Variants in POTEC observed in about 807,000 individuals in gnomAD.
POTEC encodes the protein ANKRD26-like family B member 2.
POTEC carries 35 observed loss-of-function variants against 62.0 expected under a neutral mutation model. The ratio of observed to expected loss-of-function variants is 0.56; its 90% CI spans 0.43 to 0.75. The LOEUF (loss-of-function observed/expected upper bound fraction) is 0.75. POTEC is among the 30% of genes least tolerant of loss of function. The pLI is 0.00. For synonymous variants in POTEC, 156 were observed against 221.5 expected (o/e 0.70, Z 2.62); for missense variants, 472 against 655.9 (o/e 0.72, Z 3.06).
chr18:14,515,059 A>G (rs1301698360), intron 9 of POTEC, among the ~76,000 whole-genome samples: 16 of 152,194 alleles, frequency 1.1e-4, no homozygotes, highest in Non-Finnish European at 2.9e-5. Flanking sequence ...CACAGATGAT[A>G]CAAATAAATG....
intron 9 of POTEC, among the ~76,000 whole-genome samples, chr18:14,517,985 TA>T (rs972377116): frequency 6.6e-6 from 1 of 151,978 alleles, no homozygotes; most frequent in Non-Finnish European, 1.5e-5. Context: ...TCTCTCTAAA[TA>T]AAAAAATTAA....
chr18:14,534,955 A>C lies in POTEC; in HGVS notation c.863T>G (p.Val288Gly). Residue 288 changes from valine (V) to glycine (G), a missense_variant, in exon 4 of 11, where the codon GTG becomes GGG. Physicochemically the swap from Val to Gly is moderately radical, Grantham distance 109 (BLOSUM62 -3). Around this residue, in one of 5 missense-constraint regions of POTEC, gnomAD observed 83 missense variants for 254.3 expected, o/e 0.33. Coordinates refer to ENST00000358970, the MANE Select transcript of POTEC (RefSeq NM_001137671.2). ...AGCTTTTTTCTTGATTAAAAATTTC[A>C]CCACTTGCTGTTTTTGTTCATGTAC... is the stretch of plus-strand genomic sequence containing the variant. ...LGVHEQKQQV[V>G]KFLIKKKANL... The C allele has an allele frequency of 6.3e-7, 1 of 1,592,482 alleles. No individual in the cohort carries two copies. Among genetic ancestry groups the C allele is most frequent in the South Asian group, 1.1e-5 (1 of 88,846 alleles).
chr18:14,512,020 T>C, intron 10 of POTEC, 27 bp from the exon 11 acceptor site: 1 of 1,500,252 alleles, frequency 6.7e-7, no homozygotes, highest in Non-Finnish European at 9.2e-7. Context: ...AACTTTTAGT[T>C]AGCACTCAAT....
intron 9 of POTEC, among the ~76,000 whole-genome samples, chr18:14,521,956 T>C (rs563264569): frequency 2.0e-5 from 3 of 152,278 alleles, no homozygotes; most frequent in Admixed American, 1.3e-4. Context: ...ACCTCCATGA[T>C]ACAGTTTACC....
chr18:14,542,639 C>T lies in POTEC; in HGVS notation c.508G>A (p.Asp170Asn), dbSNP rs545661889. The part of the protein sequence containing the change: ...MLRDTDMNKR[D>N]KQKRTALHLA... ...AGGCCCAGTTACCTCTTTTGCTTGT[C>T]CCTCTTGTTCATGTCCGTGTCCCTG... The change falls in exon 1 of 11, where the codon GAC becomes AAC. Residue 170 changes from aspartate (D) to asparagine (N), a missense_variant. Coordinates refer to ENST00000358970, the MANE Select transcript of POTEC (RefSeq NM_001137671.2). 1.2e-6 allele frequency: 2 copies of T among 1,612,554 alleles called. No individual in the cohort carries two copies. The highest frequency in any genetic ancestry group is 1.7e-6 in the Non-Finnish European group (2 of 1,179,954).
Position 14,537,226 on chromosome 18 carries a change from CA to C in POTEC, c.810+574del, listed in dbSNP as rs1284721601. On this transcript the variant is annotated intron_variant, in intron 3 of 10. Coordinates refer to ENST00000358970, the MANE Select transcript of POTEC (RefSeq NM_001137671.2). Reference sequence around the variant, plus strand: ...ACACACACACAAAAAAAAAAAAAAACAAAAAAAAACCTCTTCATGGTCTTTT... The same window carrying C: ...ACACACACACAAAAAAAAAAAAAAACAAAAAAAACCTCTTCATGGTCTTTT... Among the ~76,000 whole-genome samples, 341 of 79,292 alleles carry C rather than the reference CA, an allele frequency of 4.3e-3. 4 individuals are homozygous for C. Among genetic ancestry groups the C allele is most frequent in the African/African-American group, 0.014 (317 of 21,996 alleles). The allele number at this position is 79,292 out of a possible 152,430, so 52.0% of individuals were successfully genotyped here. A position where few individuals can be genotyped will look rare whatever the true frequency, so the allele number is the denominator to read the frequency against.
At position 14,542,794 on chromosome 18, in the gene POTEC, C is replaced by T. The variant is rs565550823; in HGVS notation, c.353G>A (p.Gly118Asp). The change falls in exon 1 of 11, where the codon GGC becomes GAC. Residue 118 changes from glycine (G) to aspartate (D), a missense_variant. Coordinates refer to ENST00000358970, the MANE Select transcript of POTEC (RefSeq NM_001137671.2). ...CCRGSGKSNV[G>D]AWGDYDDSAF... ...GCTGTCGTCGTAGTCTCCCCAAGCGCCCACGTTGCTCTTGCCGCTCCCCCT... is the reference window on the plus strand; with the variant it reads ...GCTGTCGTCGTAGTCTCCCCAAGCGTCCACGTTGCTCTTGCCGCTCCCCCT... 3 of 1,613,758 alleles carry T rather than the reference C, an allele frequency of 1.9e-6. No homozygotes were observed. The highest frequency in any genetic ancestry group is 2.5e-6 in the Non-Finnish European group (3 of 1,179,782).
At chr18:14,540,895 T>A (rs1008256472) in intron 1 of POTEC, among the ~76,000 whole-genome samples, 5 of 143,974 alleles carry the variant, frequency 3.5e-5, no homozygotes, top group African/African-American at 8.4e-5. Flanking sequence ...TTATTTTTAT[T>A]TATTTATTTT....
At chr18:14,538,832 C>A (rs751856816) in intron 1 of POTEC, among the ~76,000 whole-genome samples, 7 of 152,094 alleles carry the variant, frequency 4.6e-5, no homozygotes, top group Non-Finnish European at 8.8e-5. Context: ...ATTTCTTACA[C>A]GGAAATACCA....
chr18:14,527,128 T>C (rs1910457401), intron 6 of POTEC, among the ~76,000 whole-genome samples: 1 of 152,128 alleles, frequency 6.6e-6, no homozygotes, highest in Non-Finnish European at 1.5e-5. Context: ...TGTGTTTGAG[T>C]CAGCAATATT....
intron 1 of POTEC, among the ~76,000 whole-genome samples, chr18:14,539,044 A>C (rs893765023): frequency 1.3e-5 from 2 of 151,856 alleles, no homozygotes; most frequent in African/African-American, 4.9e-5. Flanking sequence ...GGCTGAGGTG[A>C]AAACAAAAAC....
At chr18:14,539,746 C>T (rs991631015) in intron 1 of POTEC, among the ~76,000 whole-genome samples, 7 of 152,140 alleles carry the variant, frequency 4.6e-5, no homozygotes, top group Non-Finnish European at 1.0e-4. Flanking sequence ...TCACTATTTT[C>T]CACCTTCAGA....
chr18:14,516,300 A>T (rs1197011354), intron 9 of POTEC, among the ~76,000 whole-genome samples: 1 of 22,144 alleles, frequency 4.5e-5, no homozygotes, highest in Non-Finnish European at 8.8e-5. Context: ...AGAAAATTTT[A>T]TATATATATA....
intron 10 of POTEC, among the ~76,000 whole-genome samples, chr18:14,512,680 A>C (rs970176483): frequency 6.6e-6 from 1 of 152,154 alleles, no homozygotes; most frequent in African/African-American, 2.4e-5. Flanking sequence ...CTGAGGCAGG[A>C]GAATCGTGTG....
chr18:14,520,601 T>C (rs1910283977), intron 9 of POTEC, among the ~76,000 whole-genome samples: 2 of 151,828 alleles, frequency 1.3e-5, no homozygotes, highest in South Asian at 4.2e-4. Flanking sequence ...TGGAAAAATA[T>C]GGTGAGGTGA....
intron 3 of POTEC, among the ~76,000 whole-genome samples, chr18:14,537,341 T>C (rs896261338): frequency 3.3e-5 from 5 of 151,762 alleles, no homozygotes; most frequent in Non-Finnish European, 7.4e-5. Context: ...CAATCAGAAA[T>C]ATCTTAAGCC....
At position 14,537,822 on chromosome 18, in the gene POTEC, A is replaced by G. The variant is rs1598482059; in HGVS notation, c.789T>C (p.Ala263=). ...LMAKALLLYG[A]DIESKNKCGL... ...ATACCTTGTTTTTTGATTCAATATCAGCACCATATAAGAGCAGTGCTTTGG... is the reference window on the plus strand; with the variant it reads ...ATACCTTGTTTTTTGATTCAATATCGGCACCATATAAGAGCAGTGCTTTGG... The change falls in exon 3 of 11, where the codon GCT becomes GCC. Residue 263 remains alanine (A), a synonymous_variant. Coordinates refer to ENST00000358970, the MANE Select transcript of POTEC (RefSeq NM_001137671.2). 6.2e-7 allele frequency: 1 copy of G among 1,611,710 alleles called. No homozygotes were observed. Among genetic ancestry groups the G allele is most frequent in the African/African-American group, 1.3e-5 (1 of 74,940 alleles).
intron 6 of POTEC, 47 bp downstream of exon 6, chr18:14,530,436 A>T (rs1351477114): frequency 6.2e-7 from 1 of 1,600,276 alleles, no homozygotes; most frequent in African/African-American, 1.3e-5. Context: ...GCTGCCAAAA[A>T]CATTGTGGAC....
intron 4 of POTEC, among the ~76,000 whole-genome samples, chr18:14,534,389 G>A (rs1344701440): frequency 1.3e-5 from 2 of 151,848 alleles, no homozygotes; most frequent in Non-Finnish European, 2.9e-5. Flanking sequence ...ACAGTATGTG[G>A]GAATAGCAAT....
Sources: gnomAD v4.1 joint callset for allele counts (sites outside exome capture counted in the v4.1 genomes callset) on GRCh38, gnomAD v4.1.1 for gene constraint, gnomAD v4.1.1 regional missense constraint, MANE v1.5 for transcripts, NCBI Gene and HGNC (gene_info 2026-07-23, HGNC 2026-07-21) for gene names.